The following ASIC2 variants were observed in gnomAD, a reference collection of about 807,000 sequenced individuals.
The protein encoded by ASIC2 is acid-sensing ion channel 2.
A neutral mutation model predicts 57.3 loss-of-function variants in ASIC2; 25 were observed. That is an observed-to-expected ratio of 0.44 (90% CI 0.32 to 0.61). The LOEUF is 0.61. Ranked by LOEUF, ASIC2 falls within the 20% of genes least tolerant of loss-of-function variation. The pLI, the probability that ASIC2 is intolerant of heterozygous loss-of-function variation, is 0.06. For missense variants in ASIC2, 641 were observed against 738.1 expected, an observed-to-expected ratio of 0.87 and a Z score of 1.52; for synonymous variants, 319 against 307.5, an observed-to-expected ratio of 1.04 and a Z score of -0.39.
intron 1 of ASIC2, among the ~76,000 whole-genome samples, chr17:33,942,490 C>CT (rs1304926140): frequency 6.6e-6 from 1 of 152,192 alleles, no homozygotes; most frequent in Non-Finnish European, 1.5e-5. Context: ...CTCAGACCCT[C>CT]TGCCTTCCAC....
intron 1 of ASIC2, among the ~76,000 whole-genome samples, chr17:33,133,941 A>T (rs1310725971): frequency 6.6e-6 from 1 of 152,234 alleles, no homozygotes; most frequent in Non-Finnish European, 1.5e-5. Flanking sequence ...TCTGGGAATT[A>T]TGCCTCAGCT....
intron 1 of ASIC2, among the ~76,000 whole-genome samples, chr17:33,620,247 A>AAAC (rs1567671320): frequency 6.6e-6 from 1 of 151,434 alleles, no homozygotes; most frequent in African/African-American, 2.4e-5. Context: ...AATGAAAAAA[A>AAAC]AAAAAAAAAA....
intron 1 of ASIC2, among the ~76,000 whole-genome samples, chr17:33,135,305 C>G (rs1422738905): frequency 6.6e-6 from 1 of 152,190 alleles, no homozygotes; most frequent in African/African-American, 2.4e-5. Flanking sequence ...AATACCCTGC[C>G]TAGAAAATAC....
rs140810575 is a variant in ASIC2, at chr17:33,946,872, C to T, written c.555+209106G>A. Among the ~76,000 whole-genome samples the T allele has an allele frequency of 4.8e-3, 731 of 152,166 alleles. 12 individuals carry two copies. Among genetic ancestry groups the T allele is most frequent in the African/African-American group, 0.016 (682 of 41,500 alleles). On this transcript the variant is annotated intron_variant, in intron 1 of 9. Transcript: ENST00000359872. ...AGATTTGAACTAAGATTGGGGAGCT[C>T]CCAGAAGGATGCAGGAGGATGTTAG...
At chr17:33,606,902 C>T (rs571786667) in intron 1 of ASIC2, among the ~76,000 whole-genome samples, 198 of 152,318 alleles carry the variant, frequency 1.3e-3, no homozygotes, top group Non-Finnish European at 2.4e-3. Flanking sequence ...TCTGTGGTCA[C>T]AGTGCCTCCT....
chr17:33,939,017 C>T (rs577620805), intron 1 of ASIC2, among the ~76,000 whole-genome samples: 1 of 152,372 alleles, frequency 6.6e-6, no homozygotes, highest in South Asian at 2.1e-4. Context: ...GGCCAGCCCT[C>T]CCACCCAGGC....
chr17:33,566,810 G>A (rs182059463), intron 1 of ASIC2, among the ~76,000 whole-genome samples: 16 of 152,152 alleles, frequency 1.1e-4, no homozygotes, highest in Admixed American at 2.0e-4. Flanking sequence ...AGGGCCCTCC[G>A]TGATCTTTCC....
At chr17:34,148,109 G>T (rs1904365498) in intron 1 of ASIC2, among the ~76,000 whole-genome samples, 1 of 152,154 alleles carries the variant, frequency 6.6e-6, no homozygotes, top group Non-Finnish European at 1.5e-5. Context: ...CAACACCCCA[G>T]CCAATAAGCT....
intron 1 of ASIC2, among the ~76,000 whole-genome samples, chr17:33,803,834 G>T (rs73986725): frequency 0.09 from 13,642 of 151,576 alleles, 683 homozygotes; most frequent in East Asian, 0.19. Context: ...TTTTTTTTAT[G>T]TGGCAAACCA....
chr17:33,280,030 T>C (rs1478994034), intron 1 of ASIC2, among the ~76,000 whole-genome samples: 1 of 152,160 alleles, frequency 6.6e-6, no homozygotes, highest in African/African-American at 2.4e-5. Flanking sequence ...AGCTACATCA[T>C]TTATTAGCAA....
At chr17:33,827,718 T>C (rs1912978569) in intron 1 of ASIC2, 1 of 152,024 alleles carries the variant, frequency 6.6e-6, no homozygotes, top group African/African-American at 2.4e-5. Flanking sequence ...CCTTTTCTTT[T>C]TTCTTTTACT....
intron 1 of ASIC2, among the ~76,000 whole-genome samples, chr17:33,420,892 G>A (rs1911021429): frequency 6.6e-6 from 1 of 152,192 alleles, no homozygotes; most frequent in African/African-American, 2.4e-5. Context: ...ATTAAAGAGA[G>A]TTTAACATAA....
intron 1 of ASIC2, among the ~76,000 whole-genome samples, chr17:33,517,177 G>A (rs761828514): frequency 6.6e-5 from 10 of 152,096 alleles, no homozygotes; most frequent in East Asian, 1.9e-4. Context: ...GTGCAGTGGC[G>A]CGATCTCAGC....
chr17:33,767,761 A>G (rs1910976032), intron 1 of ASIC2, among the ~76,000 whole-genome samples: 1 of 152,226 alleles, frequency 6.6e-6, no homozygotes, highest in African/African-American at 2.4e-5. Flanking sequence ...CCTTGAGACT[A>G]TGAATATTTT....
chr17:33,318,419 C>G (rs1213324329), intron 1 of ASIC2, among the ~76,000 whole-genome samples: 1 of 152,110 alleles, frequency 6.6e-6, no homozygotes, highest in Non-Finnish European at 1.5e-5. Flanking sequence ...AAATAAGGTC[C>G]TAATCTGCAC....
intron 1 of ASIC2, among the ~76,000 whole-genome samples, chr17:33,641,880 T>G (rs1463658641): frequency 6.6e-6 from 1 of 152,198 alleles, no homozygotes; most frequent in Non-Finnish European, 1.5e-5. Context: ...AATGGGCATA[T>G]TAACAGGCTC....
intron 1 of ASIC2, among the ~76,000 whole-genome samples, chr17:33,346,131 G>A (rs775948734): frequency 1.3e-5 from 2 of 149,170 alleles, no homozygotes; most frequent in Non-Finnish European, 3.0e-5. Flanking sequence ...AGAGGCTGAG[G>A]CACTAGAATT....
intron 1 of ASIC2, among the ~76,000 whole-genome samples, chr17:33,743,011 C>T (rs1477682118): frequency 1.3e-5 from 2 of 152,176 alleles, no homozygotes; most frequent in Non-Finnish European, 2.9e-5. Flanking sequence ...CTGTCACTGG[C>T]GTGTGCTTTC....
At chr17:33,354,729 C>T (rs1908311608) in intron 1 of ASIC2, among the ~76,000 whole-genome samples, 1 of 152,140 alleles carries the variant, frequency 6.6e-6, no homozygotes, top group Non-Finnish European at 1.5e-5. Context: ...ATCACTTTTG[C>T]TCCTGGTTTC....
Sources: allele counts gnomAD v4.1 joint callset (sites outside exome capture counted in the v4.1 genomes callset), GRCh38; gene constraint gnomAD v4.1.1; transcripts MANE v1.5; gene names NCBI Gene and HGNC (gene_info 2026-07-23, HGNC 2026-07-21).